Variants in DNAAF9 observed in about 807,000 individuals in gnomAD.
DNAAF9 encodes shulin.
A neutral mutation model predicts 167.0 loss-of-function variants in DNAAF9; 90 were observed. That is an observed-to-expected ratio of 0.54 (90% confidence interval 0.45 to 0.64). DNAAF9 has a LOEUF of 0.64. DNAAF9 is among the 30% of genes least tolerant of loss of function. The probability of loss-of-function intolerance (pLI) is 0.00; values close to 1 mark genes in which losing one functional copy is unlikely to be tolerated. For missense variants in DNAAF9, 1,315 were observed against 1,442.2 expected (o/e 0.91, Z 1.43); for synonymous variants, 491 against 508.8 (o/e 0.96, Z 0.47).
At chr20:3,341,325 G>C (rs2070080494) in intron 9 of DNAAF9, among the ~76,000 whole-genome samples, 1 of 143,770 alleles carries the variant, frequency 7.0e-6, no homozygotes, top group Non-Finnish European at 1.5e-5. Flanking sequence ...TGGTCTCTGA[G>C]AAGCACTTGA....
At chr20:3,253,137 A>C (rs538080470) in intron 36 of DNAAF9, among the ~76,000 whole-genome samples, 6 of 152,240 alleles carry the variant, frequency 3.9e-5, no homozygotes, top group African/African-American at 1.4e-4. Context: ...CAGCCTGGGC[A>C]ACATGGCGAG....
At chr20:3,306,467 T>C (rs1427126001) in intron 20 of DNAAF9, among the ~76,000 whole-genome samples, 1 of 152,228 alleles carries the variant, frequency 6.6e-6, no homozygotes, top group Admixed American at 6.5e-5. Context: ...ACACATGTCA[T>C]ACATTATAGT....
At chr20:3,387,914 A>AAAAAT (rs2083772099) in intron 1 of DNAAF9, among the ~76,000 whole-genome samples, 1 of 135,600 alleles carries the variant, frequency 7.4e-6, no homozygotes, top group Admixed American at 7.5e-5. Flanking sequence ...AAAAAAAAAA[A>AAAAAT]AATTAGCCGG....
At chr20:3,314,272 A>C (rs2069463790) in intron 20 of DNAAF9, among the ~76,000 whole-genome samples, 1 of 151,844 alleles carries the variant, frequency 6.6e-6, no homozygotes, top group African/African-American at 2.4e-5. Flanking sequence ...GACCCTTGGG[A>C]GGAGGTAACA....
chr20:3,386,469 T>G (rs1015818734), intron 1 of DNAAF9, among the ~76,000 whole-genome samples: 4 of 152,128 alleles, frequency 2.6e-5, no homozygotes, highest in African/African-American at 9.7e-5. Context: ...TATATACAAA[T>G]TAAAGCATAG....
At chr20:3,347,910 A>G (rs1454118662) in intron 8 of DNAAF9, among the ~76,000 whole-genome samples, 1 of 152,118 alleles carries the variant, frequency 6.6e-6, no homozygotes, top group Non-Finnish European at 1.5e-5. Context: ...CGACAGAGTG[A>G]GACTCCATTT....
At chr20:3,389,893 T>A (rs1438139627) in intron 1 of DNAAF9, among the ~76,000 whole-genome samples, 1 of 151,992 alleles carries the variant, frequency 6.6e-6, no homozygotes, top group African/African-American at 2.4e-5. Flanking sequence ...AAAATTAGCC[T>A]GGCGTGATGG....
rs749763520 is a variant in DNAAF9 at position 3,374,050 on chromosome 20, C to T, written c.610G>A (p.Glu204Lys). The T allele has an allele frequency of 1.3e-6, 2 of 1,596,500 alleles. No individual in the cohort carries two copies. Among genetic ancestry groups the T allele is most frequent in the South Asian group, 1.1e-5 (1 of 90,754 alleles). Reference sequence around the variant, plus strand: ...GGCATACTGCTTTTCATACATACCTCATATTTCATGGTAAAAAATCCATCC... The same window carrying T: ...GGCATACTGCTTTTCATACATACCTTATATTTCATGGTAAAAAATCCATCC... ...GGDGFFTMKY[E>K]LQDVSLNLWN... The change falls in exon 6 of 37, where the codon GAG (glutamate) becomes AAG (lysine). Residue 204 changes from glutamate to lysine, a missense_variant and splice_region_variant. Glu to Lys is a moderately conservative substitution (Grantham distance 56). Around this residue, in one of 2 missense-constraint regions of DNAAF9, gnomAD observed 981 missense variants for 1,012.5 expected, o/e 0.97. Transcript: ENST00000252032.
chr20:3,307,390 A>G (rs2069318132), intron 20 of DNAAF9, among the ~76,000 whole-genome samples: 1 of 152,116 alleles, frequency 6.6e-6, no homozygotes, highest in African/African-American at 2.4e-5. Flanking sequence ...CACACATGAG[A>G]TAAGTGAAGT....
intron 17 of DNAAF9, 145 bp from the exon 18 acceptor site, chr20:3,316,938 A>AGG (rs2069513420): frequency 2.0e-6 from 1 of 494,042 alleles, no homozygotes; most frequent in East Asian, 3.2e-5. Context: ...TCTGTCACCC[A>AGG]GGCTGGAGTG....
intron 10 of DNAAF9, among the ~76,000 whole-genome samples, chr20:3,332,933 G>A (rs2069867256): frequency 6.6e-6 from 1 of 150,480 alleles, no homozygotes; most frequent in African/African-American, 2.4e-5. Context: ...GTGTGTGTGT[G>A]TGTGGTTTAA....
chr20:3,330,502 A>C, intron 12 of DNAAF9, 144 bp downstream of exon 12: 2 of 614,338 alleles, frequency 3.3e-6, no homozygotes, highest in Non-Finnish European at 2.9e-6. Context: ...TCAGCTTCCG[A>C]AAATGTTGGG....
intron 14 of DNAAF9, 132 bp downstream of exon 14, chr20:3,324,760 C>CA (rs2069680503): frequency 3.1e-6 from 2 of 640,814 alleles, no homozygotes; most frequent in African/African-American, 3.7e-5. Flanking sequence ...ATGAATGATT[C>CA]TCCTTCACAC....
intron 4 of DNAAF9, 117 bp downstream of exon 4, chr20:3,376,061 T>A (rs1222042731): frequency 1.1e-6 from 1 of 937,514 alleles, no homozygotes; most frequent in African/African-American, 1.7e-5. Flanking sequence ...AAACAGATAA[T>A]CTTTTTTATA....
At chr20:3,296,111 AC>A (rs766730772) in intron 23 of DNAAF9, 5 of 670,772 alleles carry the variant, frequency 7.5e-6, no homozygotes, top group Non-Finnish European at 1.4e-5. Context: ...AGGAAAATGC[AC>A]TTTACATGTA....
chr20:3,357,398 G>C (rs114536950), intron 7 of DNAAF9, among the ~76,000 whole-genome samples: 1,649 of 152,214 alleles, frequency 0.011, 31 homozygotes, highest in African/African-American at 0.038. Context: ...TTGAACCTGT[G>C]GGGGTGGAAG....
chr20:3,405,091 A>G (rs1379399050), intron 1 of DNAAF9, among the ~76,000 whole-genome samples: 1 of 152,258 alleles, frequency 6.6e-6, no homozygotes, highest in Non-Finnish European at 1.5e-5. Flanking sequence ...ACTGACCAAA[A>G]GCAACTCTTA....
chr20:3,371,199 A>G (rs1055632151), intron 6 of DNAAF9, among the ~76,000 whole-genome samples: 5 of 146,266 alleles, frequency 3.4e-5, no homozygotes, highest in Admixed American at 2.7e-4. Context: ...CTTTTCTTAT[A>G]TGTCTTCCAT....
At chr20:3,306,969 TGTCCTG>T (rs1685957136) in intron 20 of DNAAF9, 1 of 985,322 alleles carries the variant, frequency 1.0e-6, no homozygotes, top group East Asian at 1.1e-4. Context: ...CACCCTTCCC[TGTCCTG>T]GGTATCCCTC....
Sources: gnomAD v4.1 joint callset for allele counts (sites outside exome capture counted in the v4.1 genomes callset) on GRCh38, gnomAD v4.1.1 for gene constraint, gnomAD v4.1.1 regional missense constraint, MANE v1.5 for transcripts, NCBI Gene and HGNC (gene_info 2026-07-23, HGNC 2026-07-21) for gene names.